The following SHISA6 variants were observed in gnomAD, a reference collection of about 807,000 sequenced individuals.
The protein encoded by SHISA6 is shisa family member 6.
SHISA6 carries 22 observed loss-of-function variants against 47.9 expected under a neutral mutation model. The ratio of observed to expected loss-of-function variants is 0.46; its 90% CI spans 0.33 to 0.66. SHISA6 has a LOEUF of 0.66. Ranked by LOEUF, SHISA6 falls within the 30% of genes least tolerant of loss-of-function variation. The pLI, the probability that SHISA6 is intolerant of heterozygous loss-of-function variation, is 0.02. For synonymous variants in SHISA6, 388 were observed against 337.8 expected, an observed-to-expected ratio of 1.15 and a Z score of -1.63; for missense variants, 680 against 764.6, an observed-to-expected ratio of 0.89 and a Z score of 1.30.
chr17:11,490,188 G>T (rs760915375), intron 3 of SHISA6, among the ~76,000 whole-genome samples: 2 of 152,170 alleles, frequency 1.3e-5, no homozygotes, highest in Non-Finnish European at 2.9e-5. Context: ...CATAGTTCCT[G>T]GGTAGAGAGA....
At chr17:11,340,383 G>A (rs935843966) in intron 2 of SHISA6, among the ~76,000 whole-genome samples, 1 of 152,178 alleles carries the variant, frequency 6.6e-6, no homozygotes, top group Non-Finnish European at 1.5e-5. Flanking sequence ...TCTGGACCCT[G>A]GAAGGCAGGG....
intron 3 of SHISA6, among the ~76,000 whole-genome samples, chr17:11,485,889 T>C (rs937359485): frequency 1.3e-5 from 2 of 152,062 alleles, no homozygotes; most frequent in Non-Finnish European, 2.9e-5. Flanking sequence ...GCAAATTCCA[T>C]CCCAGCGCTG....
intron 2 of SHISA6, among the ~76,000 whole-genome samples, chr17:11,265,600 T>C (rs1908398082): frequency 6.6e-6 from 1 of 152,202 alleles, no homozygotes; most frequent in Admixed American, 6.5e-5. Context: ...TTGAGTAGTG[T>C]ATTTTGATTT....
chr17:11,468,275 AG>A (rs1305849342), intron 3 of SHISA6, among the ~76,000 whole-genome samples: 1 of 151,938 alleles, frequency 6.6e-6, no homozygotes, highest in African/African-American at 2.4e-5. Context: ...CCCGTCCTAA[AG>A]TTAGAGTATG....
chr17:11,323,667 TA>T (rs1184222355), intron 2 of SHISA6, among the ~76,000 whole-genome samples: 2 of 112,212 alleles, frequency 1.8e-5, no homozygotes, highest in African/African-American at 7.0e-5. Flanking sequence ...AATAAATAAA[TA>T]AAATAATAAT....
chr17:11,317,228 A>G (rs1173819720), intron 2 of SHISA6, among the ~76,000 whole-genome samples: 1 of 150,406 alleles, frequency 6.6e-6, no homozygotes, highest in East Asian at 1.9e-4. Context: ...GTTTTGTCAA[A>G]CTCTCTTTTA....
At chr17:11,552,813 T>G (rs1007454942) in intron 4 of SHISA6, among the ~76,000 whole-genome samples, 1 of 152,162 alleles carries the variant, frequency 6.6e-6, no homozygotes, top group African/African-American at 2.4e-5. Flanking sequence ...TGGAAATAAA[T>G]GATGAAAGCA....
chr17:11,371,217 C>CA (rs1912621109), intron 2 of SHISA6, among the ~76,000 whole-genome samples: 1 of 152,156 alleles, frequency 6.6e-6, no homozygotes, highest in Admixed American at 6.5e-5. Context: ...GTTAGTTCAG[C>CA]AAAAAGTTAA....
At chr17:11,534,518 T>C (rs750126043) in intron 3 of SHISA6, among the ~76,000 whole-genome samples, 24 of 152,068 alleles carry the variant, frequency 1.6e-4, no homozygotes, top group Non-Finnish European at 1.0e-4. Context: ...ATCAAGAAAT[T>C]AGTGTGTTAG....
intron 3 of SHISA6, among the ~76,000 whole-genome samples, chr17:11,511,705 C>T (rs2071542894): frequency 6.6e-6 from 1 of 152,216 alleles, no homozygotes; most frequent in Admixed American, 6.5e-5. Context: ...CTTTCATCTT[C>T]TGCATCACTC....
chr17:11,287,119 G>C (rs1412613340), intron 2 of SHISA6, among the ~76,000 whole-genome samples: 1 of 152,092 alleles, frequency 6.6e-6, no homozygotes, highest in Non-Finnish European at 1.5e-5. Context: ...AAATAGCCGG[G>C]CATGGTGGCA....
intron 3 of SHISA6, among the ~76,000 whole-genome samples, chr17:11,411,783 G>A (rs747844763): frequency 6.6e-6 from 1 of 152,176 alleles, no homozygotes; most frequent in Non-Finnish European, 1.5e-5. Context: ...AGCATCATCT[G>A]TTTCCTTAAC....
chr17:11,390,471 T>C (rs61615095), intron 3 of SHISA6, among the ~76,000 whole-genome samples: 15,619 of 152,170 alleles, frequency 0.1, 1,751 homozygotes, highest in African/African-American at 0.27. Flanking sequence ...TGGGCTTCAC[T>C]TGGGAGCCAG....
intron 2 of SHISA6, among the ~76,000 whole-genome samples, chr17:11,299,946 C>T (rs1046339329): frequency 2.6e-5 from 4 of 151,978 alleles, no homozygotes; most frequent in Non-Finnish European, 5.9e-5. Flanking sequence ...GAGATCAAGA[C>T]CATCCTGGCT....
intron 3 of SHISA6, among the ~76,000 whole-genome samples, chr17:11,461,242 A>C (rs1322104174): frequency 2.0e-5 from 3 of 152,086 alleles, no homozygotes; most frequent in Non-Finnish European, 4.4e-5. Flanking sequence ...CTAAAAATGC[A>C]AAAAATTAGC....
intron 3 of SHISA6, among the ~76,000 whole-genome samples, chr17:11,455,341 A>G (rs1915508155): frequency 6.6e-6 from 1 of 152,222 alleles, no homozygotes. Flanking sequence ...ATGAGTCAAC[A>G]TATGCTGAAC....
At chr17:11,555,960 C>A in intron 5 of SHISA6, 68 bp downstream of exon 5, 7 of 1,445,524 alleles carry the variant, frequency 4.8e-6, no homozygotes, top group Non-Finnish European at 5.5e-6. Flanking sequence ...ATGTCACACT[C>A]TCTTGCTCCA....
At chr17:11,357,840 C>G (rs1032249965) in intron 2 of SHISA6, among the ~76,000 whole-genome samples, 1 of 152,106 alleles carries the variant, frequency 6.6e-6, no homozygotes, top group African/African-American at 2.4e-5. Context: ...AAAGGGTGTG[C>G]GTGTTTGAAG....
intron 3 of SHISA6, among the ~76,000 whole-genome samples, chr17:11,429,031 C>T (rs186132044): frequency 3.9e-4 from 59 of 152,138 alleles, no homozygotes; most frequent in Admixed American, 6.5e-4. Context: ...CCCCGTGATC[C>T]GCCTGCCTCG....
Sources: gnomAD v4.1 joint callset for allele counts (sites outside exome capture counted in the v4.1 genomes callset) on GRCh38, gnomAD v4.1.1 for gene constraint, MANE v1.5 for transcripts, NCBI Gene and HGNC (gene_info 2026-07-23, HGNC 2026-07-21) for gene names.